BTBD9: variants seen among roughly 807,000 people sequenced by gnomAD.
BTBD9 encodes the protein BTB/POZ domain-containing protein 9.
Under a neutral mutation model 64.3 loss-of-function variants are expected in BTBD9, and 49 were observed. The observed-to-expected ratio is 0.76, with a 90% CI of 0.61 to 0.97. The LOEUF (loss-of-function observed/expected upper bound fraction) is 0.97. Among genes scored for constraint, BTBD9 ranks in the 50% least tolerant of loss-of-function variants. The pLI is 0.00. For synonymous variants in BTBD9, 260 were observed against 274.7 expected (o/e 0.95, Z 0.53); for missense variants, 598 against 762.1 (o/e 0.78, Z 2.53).
intron 6 of BTBD9, chr6:38,504,447 T>G (rs1487565206): frequency 2.7e-5 from 11 of 407,958 alleles, no homozygotes; most frequent in Non-Finnish European, 2.5e-5. Flanking sequence ...CCTTTCCCTA[T>G]GAAAGTCCAA....
chr6:38,274,537 A>G (rs918266860), intron 8 of BTBD9, among the ~76,000 whole-genome samples: 4 of 152,150 alleles, frequency 2.6e-5, no homozygotes, highest in East Asian at 1.9e-4. Flanking sequence ...AGCTCTTATT[A>G]TTTTGAGATG....
chr6:38,267,678 G>A lies in BTBD9; in HGVS notation c.1455-11162C>T, dbSNP rs187401422. The stretch of plus-strand genomic sequence containing the variant: ...AGAGGGGTCGGGCACGGTGGCTCAC[G>A]CCTGTAATCCCAGCACTTTGAGAGG... On this transcript the variant is annotated intron_variant, in intron 8 of 10. Coordinates refer to ENST00000481247, the MANE Select transcript of BTBD9 (RefSeq NM_001099272.2). Among the ~76,000 whole-genome samples, 13 of 152,316 alleles carry A rather than the reference G, an allele frequency of 8.5e-5. No homozygotes were observed. The East Asian group carries it at 1.7e-3, about 20-fold the overall frequency.
At chr6:38,235,026 C>T (rs1335486424) in intron 9 of BTBD9, among the ~76,000 whole-genome samples, 1 of 152,232 alleles carries the variant, frequency 6.6e-6, no homozygotes, top group Non-Finnish European at 1.5e-5. Flanking sequence ...GGGACAGGCT[C>T]TGAGCCCTCC....
chr6:38,552,312 A>G (rs1774838261), intron 6 of BTBD9, among the ~76,000 whole-genome samples: 1 of 152,192 alleles, frequency 6.6e-6, no homozygotes, highest in East Asian at 1.9e-4. Context: ...ACACAGAATG[A>G]ATGCCTGGGT....
intron 6 of BTBD9, among the ~76,000 whole-genome samples, chr6:38,354,178 C>G (rs1428007013): frequency 3.9e-5 from 6 of 152,064 alleles, no homozygotes; most frequent in Admixed American, 2.6e-4. Context: ...GAAGTGAAAA[C>G]TAAGCATCAA....
At chr6:38,212,758 G>C (rs1014594159) in intron 9 of BTBD9, among the ~76,000 whole-genome samples, 1 of 152,050 alleles carries the variant, frequency 6.6e-6, no homozygotes, top group Non-Finnish European at 1.5e-5. Context: ...CTTTCAGCCT[G>C]TGAGGAGGGC....
intron 6 of BTBD9, among the ~76,000 whole-genome samples, chr6:38,505,485 G>A (rs757902448): frequency 3.3e-5 from 5 of 152,130 alleles, no homozygotes; most frequent in South Asian, 2.1e-4. Context: ...TTAGCCAGGC[G>A]TGGTGGCAGG....
rs528179773 is a variant in BTBD9 at position 38,545,177 on chromosome 6, C to T, written c.1154+32423G>A. Among the ~76,000 whole-genome samples the T allele has an allele frequency of 1.1e-4, 17 of 151,862 alleles. No homozygotes were observed. The East Asian group carries it at 2.8e-3, about 25-fold the overall frequency. The stretch of plus-strand genomic sequence containing the variant: ...CGCAATCTCAGCTCACTGCAACCTC[C>T]GCCTCCCGGGTTCAAGCAATTCTCC... On this transcript the variant is annotated intron_variant, in intron 6 of 10. Coordinates refer to ENST00000481247, the MANE Select transcript of BTBD9 (RefSeq NM_001099272.2).
intron 7 of BTBD9, among the ~76,000 whole-genome samples, chr6:38,317,575 G>A (rs1763071576): frequency 6.6e-6 from 1 of 151,992 alleles, no homozygotes; most frequent in South Asian, 2.1e-4. Flanking sequence ...TTATCTCTTT[G>A]AACTGACTTT....
intron 6 of BTBD9, among the ~76,000 whole-genome samples, chr6:38,527,228 A>G (rs1005876636): frequency 1.6e-4 from 22 of 134,932 alleles, no homozygotes; most frequent in Admixed American, 3.4e-4. Context: ...ATGAGCCAAG[A>G]TCGCACCACT....
rs957538016 is a variant in BTBD9 at position 38,368,372 on chromosome 6, T to C, written c.1155-23279A>G. ...GGCGGGGGAATGGAGTCTTGCTCTG[T>C]TGCCCAGGCTAGAGTGCAGTGGCGT... On this transcript the variant is annotated intron_variant, in intron 6 of 10. Coordinates refer to ENST00000481247, the MANE Select transcript of BTBD9 (RefSeq NM_001099272.2). Among the ~76,000 whole-genome samples the C allele has an allele frequency of 5.9e-5, 9 of 152,274 alleles. No individual in the cohort carries two copies. In the South Asian group the frequency reaches 6.2e-4, roughly 11 times the overall value.
intron 8 of BTBD9, among the ~76,000 whole-genome samples, chr6:38,274,087 TC>T (rs1179467947): frequency 6.6e-6 from 1 of 152,122 alleles, no homozygotes; most frequent in Non-Finnish European, 1.5e-5. Flanking sequence ...AAGGAAGAGG[TC>T]CTTCACGTCC....
intron 6 of BTBD9, among the ~76,000 whole-genome samples, chr6:38,505,988 A>AAAAAAAAAAAACC (rs1772489229): frequency 6.9e-6 from 1 of 144,092 alleles, no homozygotes. Flanking sequence ...AAAAAAAGGA[A>AAAAAAAAAAAACC]CTCTTAATTC....
At position 38,539,889 on chromosome 6, in the gene BTBD9, T is replaced by C. The variant is rs1490623673; in HGVS notation, c.1154+37711A>G. The stretch of plus-strand genomic sequence containing the variant: ...CACAGATGTGCAACTAAAGAAAAAT[T>C]GTGCTCTATTAGAGTTCACAGGCTA... On this transcript the variant is annotated intron_variant, in intron 6 of 10. Coordinates refer to ENST00000481247, the MANE Select transcript of BTBD9 (RefSeq NM_001099272.2). 3.9e-5 allele frequency among the ~76,000 whole-genome samples: 6 copies of C among 152,342 alleles called. No homozygotes were observed. In the South Asian group the frequency reaches 1.2e-3, roughly 32 times the overall value.
At chr6:38,435,295 G>A in intron 6 of BTBD9, among the ~76,000 whole-genome samples, 1 of 151,420 alleles carries the variant, frequency 6.6e-6, no homozygotes, top group South Asian at 2.1e-4. Context: ...TAGGTTTATG[G>A]CGCAAGACCA....
chr6:38,269,597 CT>C (rs543135133), intron 8 of BTBD9, among the ~76,000 whole-genome samples: 5,078 of 146,422 alleles, frequency 0.035, 298 homozygotes, highest in African/African-American at 0.12. Flanking sequence ...TGGGCAGTTG[CT>C]TTTTTTTTTT....
intron 6 of BTBD9, among the ~76,000 whole-genome samples, chr6:38,509,432 T>C (rs1034265889): frequency 2.0e-5 from 3 of 152,230 alleles, no homozygotes; most frequent in Middle Eastern, 3.2e-3. Context: ...CTGTCACATC[T>C]ATAATTCTGC....
At chr6:38,537,257 C>A (rs930063031) in intron 6 of BTBD9, among the ~76,000 whole-genome samples, 1 of 152,096 alleles carries the variant, frequency 6.6e-6, no homozygotes, top group African/African-American at 2.4e-5. Context: ...TTAAACGATC[C>A]AAATGAACAA....
chr6:38,629,949 T>C (rs146087912), intron 1 of BTBD9, among the ~76,000 whole-genome samples: 9,557 of 152,198 alleles, frequency 0.063, 716 homozygotes, highest in East Asian at 0.23. Context: ...GGCTCATGCC[T>C]GTAATACCAA....
Sources: gnomAD v4.1 joint callset for allele counts (sites outside exome capture counted in the v4.1 genomes callset) on GRCh38, gnomAD v4.1.1 for gene constraint, MANE v1.5 for transcripts, NCBI Gene and HGNC (gene_info 2026-07-23, HGNC 2026-07-21) for gene names.